The following ZNF839 variants were observed in gnomAD, a reference collection of about 807,000 sequenced individuals.
ZNF839 encodes renal carcinoma antigen NY-REN-50.
ZNF839 carries 38 observed loss-of-function variants against 56.4 expected under a neutral mutation model. The ratio of observed to expected loss-of-function variants is 0.67; its 90% CI spans 0.52 to 0.88. The LOEUF (loss-of-function observed/expected upper bound fraction) is 0.88, where lower values mean the gene tolerates loss of function less well. Ranked by LOEUF, ZNF839 falls within the 40% of genes least tolerant of loss-of-function variation. The probability of loss-of-function intolerance (pLI) is 0.00; values close to 1 mark genes in which losing one functional copy is unlikely to be tolerated. For missense variants in ZNF839, 1,091 were observed against 1,177.6 expected, an observed-to-expected ratio of 0.93 and a Z score of 1.08; for synonymous variants, 486 against 493.5, an observed-to-expected ratio of 0.98 and a Z score of 0.20.
intron 2 of ZNF839, among the ~76,000 whole-genome samples, chr14:102,328,793 T>C (rs931573802): frequency 1.3e-5 from 2 of 152,074 alleles, no homozygotes; most frequent in African/African-American, 4.8e-5. Flanking sequence ...GTTTATGTTG[T>C]AGTAAGTGTC....
intron 3 of ZNF839, among the ~76,000 whole-genome samples, chr14:102,334,192 C>T (rs1262478991): frequency 6.6e-6 from 1 of 152,258 alleles, no homozygotes; most frequent in Non-Finnish European, 1.5e-5. Context: ...CCTTTCAGCC[C>T]TTCTGGCCTG....
chr14:102,329,582 G>A (rs1420304317), intron 2 of ZNF839, among the ~76,000 whole-genome samples: 5 of 151,332 alleles, frequency 3.3e-5, no homozygotes, highest in African/African-American at 9.7e-5. Flanking sequence ...ACGGGGTTTC[G>A]CCATATTCGC....
In ZNF839 at chr14:102,326,415, T is replaced by G; in HGVS notation, c.719T>G (p.Leu240Arg). 6.2e-7 allele frequency: 1 copy of G among 1,613,578 alleles called. No individual in the cohort carries two copies. The highest frequency in any genetic ancestry group is 8.5e-7 in the Non-Finnish European group (1 of 1,179,758). Reference sequence around the variant, plus strand: ...TTGCATACAAGACATACTGAGAAACTAAAAAAATCGTTAAAAGTAAAGACA... The same window carrying G: ...TTGCATACAAGACATACTGAGAAACGAAAAAAATCGTTAAAAGTAAAGACA... ...SNLHTRHTEK[L>R]KKSLKVKTRS... Residue 240 changes from leucine (L) to arginine (R), a missense_variant, in exon 2 of 8, where the codon CTA becomes CGA. Physicochemically the swap from Leu to Arg is moderately radical, Grantham distance 102. Around this residue, in one of 3 missense-constraint regions of ZNF839, gnomAD observed 614 missense variants for 629.2 expected, o/e 0.98. Transcript: ENST00000442396. This position sits in a 1 kb window ranked among gnomAD's most constrained non-coding sequence, Gnocchi z 4.3.
intron 5 of ZNF839, 124 bp downstream of exon 5, chr14:102,335,962 TGAG>T (rs2073996477): frequency 8.8e-7 from 1 of 1,136,188 alleles, no homozygotes; most frequent in Admixed American, 2.6e-5. Context: ...GTGGATCACT[TGAG>T]GTCAGGAGTT....
In ZNF839 at chr14:102,320,060, C is replaced by T; in HGVS notation, c.288+7C>T. ...GCGCCTGCTCCCGCCCCAGGTGAGG[C>T]GTCGGGAGGGACGTGGGGAAACTGA... On this transcript the variant is annotated splice_region_variant and intron_variant, in intron 1 of 7. Transcript: ENST00000442396. 8.5e-7 allele frequency: 1 copy of T among 1,182,866 alleles called. No homozygotes were observed. The highest frequency in any genetic ancestry group is 3.4e-4 in the Middle Eastern group (1 of 2,968). 73.3% of individuals were successfully genotyped at this position (1,182,866 alleles called of 1,614,324 possible).
chr14:102,327,065 G>A (rs1474624253), intron 2 of ZNF839, among the ~76,000 whole-genome samples, 178 bp downstream of exon 2: 2 of 152,126 alleles, frequency 1.3e-5, no homozygotes, highest in African/African-American at 2.4e-5. Context: ...GGGAAACAGA[G>A]TCACGGTGAA....
intron 1 of ZNF839, among the ~76,000 whole-genome samples, chr14:102,321,328 C>T (rs1212771349): frequency 6.6e-6 from 1 of 152,240 alleles, no homozygotes; most frequent in Non-Finnish European, 1.5e-5. Context: ...GGTTGCGTGG[C>T]TTTGCCCAAG....
At chr14:102,340,382 C>T (rs997162828) in intron 7 of ZNF839, among the ~76,000 whole-genome samples, 1 of 151,980 alleles carries the variant, frequency 6.6e-6, no homozygotes, top group East Asian at 1.9e-4. Flanking sequence ...AGCAATTCTC[C>T]TGCCTCAGCC....
Position 102,331,759 on chromosome 14 carries a change from C to G in ZNF839, c.1329C>G (p.Leu443=). The G allele has an allele frequency of 1.2e-6, 2 of 1,602,466 alleles. No homozygotes were observed. The highest frequency in any genetic ancestry group is 1.7e-6 in the Non-Finnish European group (2 of 1,174,642). ...TTGCAGAGTCCCGCACAGCTGTCCTCCAGCAGAGAAGAGCTGCTCAGCTAC... is the reference window on the plus strand; with the variant it reads ...TTGCAGAGTCCCGCACAGCTGTCCTGCAGCAGAGAAGAGCTGCTCAGCTAC... The part of the protein sequence containing the change: ...ETLAESRTAV[L]QQRRAAQLPG... Residue 443 remains leucine, a synonymous_variant, in exon 3 of 8, where the codon CTC becomes CTG. Transcript: ENST00000442396.
At position 102,330,371 on chromosome 14, in the gene ZNF839, T is replaced by A. The variant is rs551955742; in HGVS notation, c.1192-1251T>A. ...CCTCAGCCTCTCTAGTAGCTGAGAT[T>A]ACAGGCATCTGCCACTATGCCCAGC... On this transcript the variant is annotated intron_variant, in intron 2 of 7. Transcript: ENST00000442396. Among the ~76,000 whole-genome samples, 22 of 151,846 alleles carry A rather than the reference T, an allele frequency of 1.4e-4. No homozygotes were observed. The South Asian group carries it at 4.6e-3, about 32-fold the overall frequency.
At chr14:102,333,722 A>G (rs772699495) in intron 3 of ZNF839, among the ~76,000 whole-genome samples, 1 of 152,068 alleles carries the variant, frequency 6.6e-6, no homozygotes, top group Non-Finnish European at 1.5e-5. Context: ...CTTCCCGTTC[A>G]GACCTCTCTC....
In ZNF839 at chr14:102,326,927, G is replaced by A. The variant is rs555336517; in HGVS notation, c.1191+40G>A. 2.4e-5 allele frequency: 37 copies of A among 1,518,622 alleles called. No individual in the cohort carries two copies. The highest frequency in any genetic ancestry group is 1.4e-4 in the South Asian group (11 of 78,858). The allele number at this position is 1,518,622 out of a possible 1,614,324, so 94.1% of individuals were successfully genotyped here. A position where few individuals can be genotyped will look rare whatever the true frequency, so the allele number is the denominator to read the frequency against. On this transcript the variant is annotated intron_variant, in intron 2 of 7. Coordinates refer to ENST00000442396, the MANE Select transcript of ZNF839 (RefSeq NM_018335.6). The surrounding 1 kb of genome is among the most constrained non-coding windows in gnomAD (Gnocchi z 4.3). ...TGGGTATGTGTCTTTTTATTTGGCCGTTCTCGGATTGCTATAAAGAAATAC... is the reference window on the plus strand; with the variant it reads ...TGGGTATGTGTCTTTTTATTTGGCCATTCTCGGATTGCTATAAAGAAATAC...
At chr14:102,337,624 ACT>A (rs1375777682) in intron 5 of ZNF839, 4 of 152,080 alleles carry the variant, frequency 2.6e-5, no homozygotes, top group Non-Finnish European at 5.9e-5. Flanking sequence ...GCACACACAC[ACT>A]GTGCCTGCCC....
chr14:102,326,672 G>T lies in ZNF839; in HGVS notation c.976G>T (p.Gly326Trp), dbSNP rs201365142. 1.2e-6 allele frequency: 2 copies of T among 1,612,674 alleles called. No homozygotes were observed. The highest frequency in any genetic ancestry group is 8.5e-7 in the Non-Finnish European group (1 of 1,179,384). ...QTCEKSYIGKGGLARHFKLNP... is the reference protein window; with the variant it reads ...QTCEKSYIGKWGLARHFKLNP... ...TTGTGAAAAGTCATATATAGGGAAG[G>T]GGGGACTGGCCCGACATTTTAAACT... is the stretch of plus-strand genomic sequence containing the variant. Residue 326 changes from glycine (G) to tryptophan (W), a missense_variant, in exon 2 of 8, where the codon GGG (glycine) becomes TGG (tryptophan). Coordinates refer to ENST00000442396, the MANE Select transcript of ZNF839 (RefSeq NM_018335.6). The surrounding 1 kb of genome is among the most constrained non-coding windows in gnomAD (Gnocchi z 4.3).
In ZNF839 at chr14:102,339,145, T is replaced by C. The variant is rs1886198128; in HGVS notation, c.1849T>C (p.Ser617Pro). The change falls in exon 7 of 8, where the codon TCC becomes CCC. Residue 617 changes from serine (S) to proline (P), a missense_variant. Ser to Pro is a moderately conservative substitution (Grantham distance 74, BLOSUM62 -1). Around this residue, in one of 3 missense-constraint regions of ZNF839, gnomAD observed 431 missense variants for 468.0 expected, o/e 0.92. Transcript: ENST00000442396. ...GAAAAGGCCCAGAAGAGAAGCCCTG[T>C]CCAACGATACCACTGAATCTCTTGC... ...SVKRPRREALSNDTTESLAAN... is the reference protein window; with the variant it reads ...SVKRPRREALPNDTTESLAAN... 6.2e-7 allele frequency: 1 copy of C among 1,613,504 alleles called. No individual in the cohort carries two copies. The highest frequency in any genetic ancestry group is 1.1e-5 in the South Asian group (1 of 90,958).
At chr14:102,328,371 AAAAAATATATAT>A (rs1307068198) in intron 2 of ZNF839, among the ~76,000 whole-genome samples, 27 of 30,664 alleles carry the variant, frequency 8.8e-4, no homozygotes, top group Non-Finnish European at 1.3e-3. Context: ...AAAAAAAAAA[AAAAAATATATAT>A]ATATATATAT....
At position 102,341,423 on chromosome 14, in the gene ZNF839, G is replaced by A. The variant is rs368919341; in HGVS notation, c.2028G>A (p.Pro676=). The A allele has an allele frequency of 1.5e-5, 24 of 1,588,534 alleles. No individual in the cohort carries two copies. Among genetic ancestry groups the A allele is most frequent in the South Asian group, 2.3e-5 (2 of 88,316 alleles). The change falls in exon 8 of 8, where the codon CCG becomes CCA. Residue 676 remains proline, a synonymous_variant. Transcript: ENST00000442396. ...GGNGSVFQAG[P]QLQALANLEA... ...ATGGGAGCGTGTTCCAGGCGGGCCC[G>A]CAGCTTCAGGCACTGGCTAACTTAG... is the stretch of plus-strand genomic sequence containing the variant.
chr14:102,340,005 C>T (rs1264334233), intron 7 of ZNF839, among the ~76,000 whole-genome samples: 3 of 151,858 alleles, frequency 2.0e-5, no homozygotes, highest in African/African-American at 7.3e-5. Flanking sequence ...GGGAGTCGCA[C>T]TTTGTCACCC....
intron 5 of ZNF839, chr14:102,336,582 A>G (rs1402925224): frequency 2.4e-6 from 1 of 419,456 alleles, no homozygotes; most frequent in Non-Finnish European, 4.6e-6. Flanking sequence ...GGTGTGAGCC[A>G]CCACATCCGG....
Sources: allele counts gnomAD v4.1 joint callset (sites outside exome capture counted in the v4.1 genomes callset), GRCh38; gene constraint gnomAD v4.1.1; regional missense constraint gnomAD v4.1.1; non-coding constraint Gnocchi (gnomAD v3.1); transcripts MANE v1.5; gene names NCBI Gene and HGNC (gene_info 2026-07-23, HGNC 2026-07-21).